The following PARD3B variants were observed in gnomAD, a reference collection of about 807,000 sequenced individuals.
The protein encoded by PARD3B is partitioning defective 3 homolog B.
A neutral mutation model predicts 130.2 loss-of-function variants in PARD3B; 103 were observed. The ratio of observed to expected loss-of-function variants is 0.79; its 90% CI spans 0.67 to 0.93. The LOEUF (loss-of-function observed/expected upper bound fraction) is 0.93. Among genes scored for constraint, PARD3B ranks in the 40% least tolerant of loss-of-function variants. PARD3B has a pLI of 0.00. For synonymous variants in PARD3B, 583 were observed against 553.2 expected (o/e 1.05, Z -0.76); for missense variants, 1,609 against 1,499.2 (o/e 1.07, Z -1.21).
At chr2:204,998,263 A>G (rs1177784169) in intron 3 of PARD3B, among the ~76,000 whole-genome samples, 3 of 144,366 alleles carry the variant, frequency 2.1e-5, no homozygotes, top group Non-Finnish European at 4.5e-5. Flanking sequence ...GCATGTGTAT[A>G]CCTATGTAAC....
chr2:204,551,072 A>G (rs1228699016), intron 1 of PARD3B, among the ~76,000 whole-genome samples: 3 of 152,138 alleles, frequency 2.0e-5, no homozygotes, highest in African/African-American at 7.2e-5. Flanking sequence ...AGCATTACAC[A>G]TGCTTCCAAC....
intron 18 of PARD3B, among the ~76,000 whole-genome samples, chr2:205,365,166 C>T (rs977198907): frequency 2.0e-5 from 3 of 146,510 alleles, no homozygotes; most frequent in Non-Finnish European, 3.0e-5. Context: ...TGCCATTGTA[C>T]TCCAGCCTGG....
chr2:205,557,856 C>T (rs2052961518), intron 22 of PARD3B, among the ~76,000 whole-genome samples: 2 of 152,126 alleles, frequency 1.3e-5, no homozygotes, highest in Admixed American at 6.5e-5. Context: ...ACCAACTACC[C>T]TCTCTCGGCA....
intron 19 of PARD3B, among the ~76,000 whole-genome samples, chr2:205,436,317 T>C (rs371716155): frequency 2.0e-5 from 3 of 152,306 alleles, no homozygotes; most frequent in East Asian, 3.9e-4. Context: ...GATGCAGTTC[T>C]TAGTTTGCTG....
intron 2 of PARD3B, among the ~76,000 whole-genome samples, chr2:204,717,471 A>T (rs988169533): frequency 6.6e-6 from 1 of 152,066 alleles, no homozygotes; most frequent in African/African-American, 2.4e-5. Flanking sequence ...TATCCCTGTC[A>T]CGTGAACAAG....
intron 15 of PARD3B, among the ~76,000 whole-genome samples, chr2:205,200,392 T>A (rs1256944432): frequency 3.9e-5 from 6 of 152,202 alleles, no homozygotes; most frequent in Non-Finnish European, 8.8e-5. Context: ...CCTCTTTCAG[T>A]CTTAGTTAAT....
chr2:204,698,178 A>G (rs2037707069), intron 2 of PARD3B, among the ~76,000 whole-genome samples: 2 of 151,980 alleles, frequency 1.3e-5, no homozygotes, highest in African/African-American at 4.8e-5. Context: ...TCTGTGACTC[A>G]CAGATTACGG....
chr2:204,759,414 A>G (rs572992907), intron 2 of PARD3B, among the ~76,000 whole-genome samples: 1 of 152,236 alleles, frequency 6.6e-6, no homozygotes, highest in African/African-American at 2.4e-5. Context: ...TCCTCCAGAA[A>G]TGTTTTTATA....
At chr2:205,236,257 GT>G (rs1388714364) in intron 15 of PARD3B, among the ~76,000 whole-genome samples, 1 of 152,120 alleles carries the variant, frequency 6.6e-6, no homozygotes, top group Non-Finnish European at 1.5e-5. Flanking sequence ...AATTTGACTT[GT>G]TTCATAAAAA....
At chr2:204,554,936 G>A (rs74858195) in intron 1 of PARD3B, among the ~76,000 whole-genome samples, 2,395 of 152,300 alleles carry the variant, frequency 0.016, 68 homozygotes, top group African/African-American at 0.055. Context: ...TTATCGGAAT[G>A]GCTCACTGTG....
intron 20 of PARD3B, among the ~76,000 whole-genome samples, chr2:205,444,103 T>C (rs1185191510): frequency 1.3e-5 from 2 of 152,156 alleles, no homozygotes; most frequent in Non-Finnish European, 2.9e-5. Flanking sequence ...ATGTCTCCAC[T>C]TCCCAAGTAG....
intron 20 of PARD3B, among the ~76,000 whole-genome samples, chr2:205,467,026 T>C (rs1266095250): frequency 1.1e-4 from 16 of 152,276 alleles, no homozygotes. Flanking sequence ...CTTGGTATTA[T>C]TTTAACTGAA....
chr2:204,828,213 G>A (rs2043667645), intron 2 of PARD3B, among the ~76,000 whole-genome samples: 1 of 152,108 alleles, frequency 6.6e-6, no homozygotes, highest in Admixed American at 6.5e-5. Context: ...TGTTTTTGAT[G>A]TTCATTCTTT....
intron 12 of PARD3B, among the ~76,000 whole-genome samples, chr2:205,173,071 A>G (rs1576062766): frequency 6.6e-6 from 1 of 152,270 alleles, no homozygotes; most frequent in Non-Finnish European, 1.5e-5. Flanking sequence ...ATAATTTTAG[A>G]AAAAGCTAAG....
At chr2:205,425,550 TAAAAAA>T (rs34514205) in intron 19 of PARD3B, among the ~76,000 whole-genome samples, 1 of 134,702 alleles carries the variant, frequency 7.4e-6, no homozygotes. Flanking sequence ...AGACTCGGTG[TAAAAAA>T]AAAAAAAAAA....
intron 2 of PARD3B, among the ~76,000 whole-genome samples, chr2:204,817,657 G>A (rs2043195467): frequency 6.6e-6 from 1 of 152,068 alleles, no homozygotes; most frequent in Non-Finnish European, 1.5e-5. Flanking sequence ...ATTTCTTTGT[G>A]CAGCCCTCTC....
intron 2 of PARD3B, among the ~76,000 whole-genome samples, chr2:204,829,722 G>A (rs1258221923): frequency 1.3e-5 from 2 of 152,020 alleles, no homozygotes; most frequent in African/African-American, 4.8e-5. Flanking sequence ...AGCACTGGCC[G>A]GGCGCGGTGG....
rs1695708726 is a variant in PARD3B at position 205,011,463 on chromosome 2, T to C, written c.395-36118T>C. 6.6e-6 allele frequency among the ~76,000 whole-genome samples: 1 copy of C among 152,182 alleles called. No homozygotes were observed. The highest frequency in any genetic ancestry group is 6.5e-5 in the Admixed American group (1 of 15,292). On this transcript the variant is annotated intron_variant, in intron 3 of 22. Coordinates refer to ENST00000406610, the MANE Select transcript of PARD3B (RefSeq NM_001302769.2). The surrounding 1 kb of genome is among the most constrained non-coding windows in gnomAD (Gnocchi z 4.1). ...GAGAGAGAAATTAAGAGGGGCATGCTCTAAAGACAGAAGTGCAGTTTTATA... is the reference window on the plus strand; with the variant it reads ...GAGAGAGAAATTAAGAGGGGCATGCCCTAAAGACAGAAGTGCAGTTTTATA...
chr2:204,939,028 A>G (rs1688685114), intron 2 of PARD3B, among the ~76,000 whole-genome samples: 1 of 152,210 alleles, frequency 6.6e-6, no homozygotes, highest in African/African-American at 2.4e-5. Flanking sequence ...AATGTACGAA[A>G]CATTAATGAT....
Sources: allele counts gnomAD v4.1 joint callset (sites outside exome capture counted in the v4.1 genomes callset), GRCh38; gene constraint gnomAD v4.1.1; non-coding constraint Gnocchi (gnomAD v3.1); transcripts MANE v1.5; gene names NCBI Gene and HGNC (gene_info 2026-07-23, HGNC 2026-07-21).